Variants in POLR3B observed in about 807,000 individuals in gnomAD.
POLR3B encodes the protein RNA polymerase III subunit B.
POLR3B carries 96 observed loss-of-function variants against 147.4 expected under a neutral mutation model. That is an observed-to-expected ratio of 0.65 (90% CI 0.55 to 0.77). The LOEUF (loss-of-function observed/expected upper bound fraction) is 0.77, where lower values mean the gene tolerates loss of function less well. Ranked by LOEUF, POLR3B falls within the 30% of genes least tolerant of loss-of-function variation. The pLI is 0.00. For synonymous variants in POLR3B, 461 were observed against 485.9 expected (o/e 0.95, Z 0.67); for missense variants, 1,036 against 1,413.5 (o/e 0.73, Z 4.28).
intron 23 of POLR3B, among the ~76,000 whole-genome samples, chr12:106,480,745 C>T (rs1016130072): frequency 6.6e-6 from 1 of 152,174 alleles, no homozygotes; most frequent in African/African-American, 2.4e-5. Context: ...GTGTCTGGTA[C>T]TATTCTAGGC....
intron 1 of POLR3B, among the ~76,000 whole-genome samples, chr12:106,363,491 G>T (rs994136812): frequency 1.3e-5 from 2 of 152,218 alleles, no homozygotes; most frequent in African/African-American, 4.8e-5. Context: ...GAGAGAATGG[G>T]AGGGAGAAAG....
At chr12:106,374,239 C>T (rs536605263) in intron 6 of POLR3B, among the ~76,000 whole-genome samples, 11 of 152,206 alleles carry the variant, frequency 7.2e-5, no homozygotes, top group Non-Finnish European at 1.6e-4. Flanking sequence ...CTTTTTGAGA[C>T]AGGGTCTCAC....
intron 2 of POLR3B, among the ~76,000 whole-genome samples, chr12:106,364,552 A>G (rs1565872505): frequency 6.6e-6 from 1 of 152,226 alleles, no homozygotes; most frequent in Non-Finnish European, 1.5e-5. Context: ...CAGTTTCTCA[A>G]ATGGTTAAAC....
At chr12:106,413,522 T>C (rs2037257562) in intron 12 of POLR3B, among the ~76,000 whole-genome samples, 1 of 152,152 alleles carries the variant, frequency 6.6e-6, no homozygotes, top group African/African-American at 2.4e-5. Flanking sequence ...TACCGTACCT[T>C]GAATGGCACA....
At chr12:106,456,056 T>C (rs2037859838) in intron 20 of POLR3B, among the ~76,000 whole-genome samples, 1 of 152,232 alleles carries the variant, frequency 6.6e-6, no homozygotes, top group African/African-American at 2.4e-5. Flanking sequence ...CGGCATTTAA[T>C]CCTGAGACAT....
At chr12:106,422,917 T>G (rs751910440) in intron 12 of POLR3B, among the ~76,000 whole-genome samples, 1 of 152,218 alleles carries the variant, frequency 6.6e-6, no homozygotes, top group Non-Finnish European at 1.5e-5. Context: ...AATCTTAAAA[T>G]ATGTAGGCTT....
chr12:106,402,941 C>A (rs553792156), intron 10 of POLR3B, among the ~76,000 whole-genome samples: 139 of 152,050 alleles, frequency 9.1e-4, no homozygotes, highest in Middle Eastern at 3.4e-3. Flanking sequence ...ATGGCAACAA[C>A]AGCCAAAATT....
At chr12:106,471,288 C>A (rs562437336) in intron 23 of POLR3B, among the ~76,000 whole-genome samples, 4 of 152,288 alleles carry the variant, frequency 2.6e-5, no homozygotes, top group Admixed American at 1.3e-4. Context: ...AGGAGGGGAT[C>A]TCCTGCTCTG....
At position 106,495,526 on chromosome 12, in the gene POLR3B, A is replaced by G. The variant is rs145316667; in HGVS notation, c.2714-529A>G. ...CCAACCAGCCAGAGCACTGCAGCCT[A>G]TAGGTAGACCTGTTAGCACATCAGC... On this transcript the variant is annotated intron_variant, in intron 23 of 27. Coordinates refer to ENST00000228347, the MANE Select transcript of POLR3B (RefSeq NM_018082.6). Among the ~76,000 whole-genome samples, 643 of 152,338 alleles carry G rather than the reference A, an allele frequency of 4.2e-3. 2 individuals carry two copies. Among genetic ancestry groups the G allele is most frequent in the South Asian group, 0.017 (84 of 4,822 alleles).
In POLR3B at chr12:106,463,857, A is replaced by T. The variant is rs184770846; in HGVS notation, c.2713+237A>T. Among the ~76,000 whole-genome samples, 160 of 152,326 alleles carry T rather than the reference A, an allele frequency of 1.1e-3. 4 individuals are homozygous for T. In the East Asian group the frequency reaches 0.017, roughly 17 times the overall value. On this transcript the variant is annotated intron_variant, in intron 23 of 27. Coordinates refer to ENST00000228347, the MANE Select transcript of POLR3B (RefSeq NM_018082.6). ...TCATTCTCCTGCAGTTGCTATGCCCAGAATTATAATTATAGATACAGTCTA... is the reference window on the plus strand; with the variant it reads ...TCATTCTCCTGCAGTTGCTATGCCCTGAATTATAATTATAGATACAGTCTA...
In POLR3B at chr12:106,459,280, G is replaced by T. The variant is rs749516917; in HGVS notation, c.2482G>T (p.Val828Leu). Residue 828 changes from valine to leucine, a missense_variant, in exon 22 of 28, where the codon GTA becomes TTA. Physicochemically the swap from Val to Leu is conservative, Grantham distance 32 (BLOSUM62 1). Transcript: ENST00000228347. The part of the protein sequence containing the change: ...GEKVENKQVL[V>L]NKSMPTVTQI... ...GAAAGTAGAAAACAAACAAGTGCTT[G>T]TAAATAAGTCCATGCCCACAGTGAC... 11 of 1,607,132 alleles carry T rather than the reference G, an allele frequency of 6.8e-6. No homozygotes were observed. The highest frequency in any genetic ancestry group is 2.2e-5 in the East Asian group (1 of 44,862).
chr12:106,410,648 G>C lies in POLR3B; in HGVS notation c.967-178G>C, dbSNP rs2249623. 4,801 of 637,688 alleles carry C rather than the reference G, an allele frequency of 7.5e-3. 28 individuals are homozygous for C. Among genetic ancestry groups the C allele is most frequent in the Middle Eastern group, 0.022 (51 of 2,348 alleles). The allele number at this position is 637,688 out of a possible 1,614,324, so 39.5% of individuals were successfully genotyped here. The stretch of plus-strand genomic sequence containing the variant: ...CTCACAGGTTACTGAGGACAATGAT[G>C]AAAAGTCATCATCTCAGCTCAGGAA... On this transcript the variant is annotated intron_variant, in intron 11 of 27. Transcript: ENST00000228347.
In POLR3B at chr12:106,433,761, A is replaced by G. The variant is rs2037539502; in HGVS notation, c.1670A>G (p.Asn557Ser). 1.2e-6 allele frequency: 2 copies of G among 1,613,656 alleles called. No homozygotes were observed. Among genetic ancestry groups the G allele is most frequent in the Non-Finnish European group, 1.7e-6 (2 of 1,179,674 alleles). ...ATTCGAGACCACAAAAAGCTAGTGAATACATTTCGACTCATGAGAAGAGCA... is the reference window on the plus strand; with the variant it reads ...ATTCGAGACCACAAAAAGCTAGTGAGTACATTTCGACTCATGAGAAGAGCA... ...GVIRDHKKLV[N>S]TFRLMRRAGY... The change falls in exon 16 of 28, where the codon AAT (asparagine) becomes AGT (serine). Residue 557 changes from asparagine to serine, a missense_variant. Physicochemically the swap from Asn to Ser is conservative, Grantham distance 46 (BLOSUM62 1). This residue lies in a region of POLR3B where 177 missense variants were observed against 232.7 expected (regional missense o/e 0.76). Transcript: ENST00000228347.
Position 106,400,886 on chromosome 12 carries a change from A to C in POLR3B, c.847-4971A>C, listed in dbSNP as rs559393176. On this transcript the variant is annotated intron_variant, in intron 10 of 27. Transcript: ENST00000228347. Reference sequence around the variant, plus strand: ...CTAGAGAAAGCAGGAAAGATCTAAAATTGACACCCTAACATCACAATTAAA... The same window carrying C: ...CTAGAGAAAGCAGGAAAGATCTAAACTTGACACCCTAACATCACAATTAAA... Among the ~76,000 whole-genome samples, 48 of 152,360 alleles carry C rather than the reference A, an allele frequency of 3.2e-4. 1 individual carries two copies. In the East Asian group the frequency reaches 8.9e-3, roughly 28 times the overall value.
chr12:106,403,534 A>T (rs2037102933), intron 10 of POLR3B, among the ~76,000 whole-genome samples: 1 of 152,152 alleles, frequency 6.6e-6, no homozygotes, highest in South Asian at 2.1e-4. Context: ...GGCACTATTC[A>T]CAATAGCAAA....
At chr12:106,456,198 T>A (rs935501621) in intron 20 of POLR3B, among the ~76,000 whole-genome samples, 2 of 152,156 alleles carry the variant, frequency 1.3e-5, no homozygotes, top group African/African-American at 4.8e-5. Flanking sequence ...GAAATTATAG[T>A]GTTGAAGGAA....
chr12:106,451,313 G>T (rs1477539966), intron 19 of POLR3B, among the ~76,000 whole-genome samples: 2 of 151,930 alleles, frequency 1.3e-5, no homozygotes, highest in Non-Finnish European at 2.9e-5. Context: ...GAAGTTTATT[G>T]TATTCAATAA....
At chr12:106,365,496 A>C (rs965041802) in intron 2 of POLR3B, among the ~76,000 whole-genome samples, 2 of 152,148 alleles carry the variant, frequency 1.3e-5, no homozygotes, top group African/African-American at 4.8e-5. Context: ...CTGTGACTGT[A>C]GGAATGTGAC....
chr12:106,428,214 T>C (rs550901649), intron 13 of POLR3B, among the ~76,000 whole-genome samples: 4 of 152,290 alleles, frequency 2.6e-5, no homozygotes, highest in African/African-American at 9.6e-5. Context: ...GAAGAGAATC[T>C]TCCAAAGAAT....
Sources: allele counts gnomAD v4.1 joint callset (sites outside exome capture counted in the v4.1 genomes callset), GRCh38; gene constraint gnomAD v4.1.1; regional missense constraint gnomAD v4.1.1; transcripts MANE v1.5; gene names NCBI Gene and HGNC (gene_info 2026-07-23, HGNC 2026-07-21).